The following STXBP5L variants were observed in gnomAD, a reference collection of about 807,000 sequenced individuals.
The protein encoded by STXBP5L is syntaxin-binding protein 5-like.
A neutral mutation model predicts 144.5 loss-of-function variants in STXBP5L; 65 were observed. The ratio of observed to expected loss-of-function variants is 0.45; its 90% CI spans 0.37 to 0.55. The LOEUF (loss-of-function observed/expected upper bound fraction) is 0.55. STXBP5L is among the 20% of genes least tolerant of loss of function. The pLI is 0.00. For missense variants in STXBP5L, 1,298 were observed against 1,405.5 expected, an observed-to-expected ratio of 0.92 and a Z score of 1.22; for synonymous variants, 505 against 469.6, an observed-to-expected ratio of 1.08 and a Z score of -0.97.
intron 5 of STXBP5L, among the ~76,000 whole-genome samples, chr3:121,075,963 G>C (rs537552187): frequency 2.0e-5 from 3 of 152,298 alleles, no homozygotes; most frequent in African/African-American, 7.2e-5. Flanking sequence ...AATCAGCCCA[G>C]GTAGGATTGT....
chr3:121,004,978 T>G (rs1380037639), intron 3 of STXBP5L, among the ~76,000 whole-genome samples: 1 of 152,234 alleles, frequency 6.6e-6, no homozygotes, highest in African/African-American at 2.4e-5. Flanking sequence ...GATTTTTGCA[T>G]CGATGTTCAT....
At chr3:121,246,684 C>A (rs1559902004) in intron 14 of STXBP5L, among the ~76,000 whole-genome samples, 1 of 152,032 alleles carries the variant, frequency 6.6e-6, no homozygotes, top group Non-Finnish European at 1.5e-5. Context: ...GAAAACAACC[C>A]AAATGTTCAT....
chr3:121,240,473 G>A lies in STXBP5L; in HGVS notation c.1366G>A (p.Gly456Arg), dbSNP rs763249604. 1.2e-6 allele frequency: 2 copies of A among 1,613,546 alleles called. No individual in the cohort carries two copies. The highest frequency in any genetic ancestry group is 1.7e-5 in the Admixed American group (1 of 59,974). ...WPISGGAWNL[G>R]AQTYPEIIIT... The stretch of plus-strand genomic sequence containing the variant: ...AATCAGTGGAGGAGCTTGGAACCTT[G>A]GAGCACAAACATATCCAGAAATTAT... Residue 456 changes from glycine (G) to arginine (R), a missense_variant, in exon 14 of 27, where the codon GGA (glycine) becomes AGA (arginine). Coordinates refer to ENST00000471454, the MANE Select transcript of STXBP5L (RefSeq NM_001308330.2).
At chr3:120,982,020 C>T (rs774450060) in intron 3 of STXBP5L, among the ~76,000 whole-genome samples, 3 of 152,156 alleles carry the variant, frequency 2.0e-5, no homozygotes, top group South Asian at 2.1e-4. Flanking sequence ...TTTGAGCAGG[C>T]TAATTGCCTT....
chr3:121,359,786 A>T (rs974213081), intron 20 of STXBP5L, among the ~76,000 whole-genome samples: 1 of 151,720 alleles, frequency 6.6e-6, no homozygotes, highest in South Asian at 2.1e-4. Flanking sequence ...TGGATTCTCT[A>T]TTCTGTCCCA....
chr3:121,041,627 A>G (rs1280519820), intron 3 of STXBP5L, 73 bp from the exon 4 acceptor site: 7 of 1,119,378 alleles, frequency 6.3e-6, no homozygotes, highest in East Asian at 4.8e-5. Context: ...CTGTTGATCA[A>G]TAAGTTAGTT....
chr3:120,980,295 C>G (rs1007011944), intron 3 of STXBP5L, among the ~76,000 whole-genome samples: 1 of 152,092 alleles, frequency 6.6e-6, no homozygotes, highest in Non-Finnish European at 1.5e-5. Flanking sequence ...CCTCAATGAT[C>G]TGTTTAATGC....
chr3:121,105,188 G>A (rs2043635990), intron 5 of STXBP5L, among the ~76,000 whole-genome samples: 1 of 152,116 alleles, frequency 6.6e-6, no homozygotes, highest in African/African-American at 2.4e-5. Flanking sequence ...ACGAGGTCAA[G>A]AGATGGAGAC....
intron 5 of STXBP5L, among the ~76,000 whole-genome samples, chr3:121,091,038 T>G (rs1469461128): frequency 6.6e-6 from 1 of 150,860 alleles, no homozygotes; most frequent in African/African-American, 2.4e-5. Flanking sequence ...GTGTGGTTTT[T>G]TGTTCTTGTG....
chr3:120,953,351 TGAG>T (rs1182750483), intron 2 of STXBP5L, among the ~76,000 whole-genome samples: 1 of 130,914 alleles, frequency 7.6e-6, no homozygotes, highest in Non-Finnish European at 1.6e-5. Flanking sequence ...TTTTTTGAGA[TGAG>T]GTCTTGTTCT....
chr3:121,071,029 C>T (rs1342175357), intron 5 of STXBP5L, among the ~76,000 whole-genome samples: 1 of 152,134 alleles, frequency 6.6e-6, no homozygotes, highest in African/African-American at 2.4e-5. Flanking sequence ...AGTCCCTGTA[C>T]AGTTGTAGTA....
intron 3 of STXBP5L, among the ~76,000 whole-genome samples, chr3:121,031,017 TA>T (rs757334328): frequency 1.3e-5 from 2 of 152,104 alleles, no homozygotes; most frequent in Non-Finnish European, 2.9e-5. Context: ...TTGACACTCT[TA>T]AAACAAATTA....
intron 9 of STXBP5L, among the ~76,000 whole-genome samples, chr3:121,176,245 A>G (rs2046927675): frequency 6.6e-6 from 1 of 152,032 alleles, no homozygotes; most frequent in Non-Finnish European, 1.5e-5. Context: ...AGCAGAATGC[A>G]CACCATTTTT....
At chr3:121,080,606 C>A (rs957874162) in intron 5 of STXBP5L, among the ~76,000 whole-genome samples, 1 of 152,096 alleles carries the variant, frequency 6.6e-6, no homozygotes, top group Admixed American at 6.6e-5. Context: ...ATACCAAATT[C>A]CTGGCTGACA....
At chr3:120,977,644 G>A (rs968898954) in intron 3 of STXBP5L, among the ~76,000 whole-genome samples, 1 of 152,080 alleles carries the variant, frequency 6.6e-6, no homozygotes, top group Non-Finnish European at 1.5e-5. Flanking sequence ...TAGCTTCGAT[G>A]GTCTTTACAA....
chr3:121,300,021 T>C (rs1033278509), intron 19 of STXBP5L, among the ~76,000 whole-genome samples: 1 of 150,096 alleles, frequency 6.7e-6, no homozygotes, highest in African/African-American at 2.4e-5. Context: ...ACTTAAGACT[T>C]TATAGTCAAA....
chr3:120,928,205 G>T (rs960381530), intron 2 of STXBP5L, among the ~76,000 whole-genome samples: 1 of 152,184 alleles, frequency 6.6e-6, no homozygotes, highest in Admixed American at 6.5e-5. Context: ...ATTTCTTCCT[G>T]ACACTTTCCA....
intron 5 of STXBP5L, among the ~76,000 whole-genome samples, chr3:121,073,621 C>A (rs2041898954): frequency 6.6e-6 from 1 of 152,176 alleles, no homozygotes; most frequent in South Asian, 2.1e-4. Context: ...TCATGTCTGG[C>A]AGTCCTAATG....
intron 9 of STXBP5L, among the ~76,000 whole-genome samples, chr3:121,185,898 T>C (rs1439079761): frequency 6.6e-6 from 1 of 152,232 alleles, no homozygotes; most frequent in Non-Finnish European, 1.5e-5. Context: ...AGTATTGCCA[T>C]TTTCACAATA....
Sources: allele counts gnomAD v4.1 joint callset (sites outside exome capture counted in the v4.1 genomes callset), GRCh38; gene constraint gnomAD v4.1.1; transcripts MANE v1.5; gene names NCBI Gene and HGNC (gene_info 2026-07-23, HGNC 2026-07-21).